Variants in GMDS observed in about 807,000 individuals in gnomAD.
The protein encoded by GMDS is GDP-mannose 4,6-dehydratase.
A neutral mutation model predicts 49.9 loss-of-function variants in GMDS; 20 were observed. The ratio of observed to expected loss-of-function variants is 0.40; its 90% confidence interval spans 0.28 to 0.58. GMDS has a LOEUF of 0.58. GMDS is among the 20% of genes least tolerant of loss of function. The pLI, the probability that GMDS is intolerant of heterozygous loss-of-function variation, is 0.42. For synonymous variants in GMDS, 177 were observed against 178.6 expected (o/e 0.99, Z 0.07); for missense variants, 362 against 481.4 (o/e 0.75, Z 2.32).
At chr6:1,731,964 C>T (rs1331104166) in intron 8 of GMDS, among the ~76,000 whole-genome samples, 1 of 152,174 alleles carries the variant, frequency 6.6e-6, no homozygotes, top group Non-Finnish European at 1.5e-5. Context: ...GATAAGTACA[C>T]AGAAAATCAA....
intron 4 of GMDS, among the ~76,000 whole-genome samples, chr6:2,005,929 G>A (rs918705251): frequency 1.3e-5 from 2 of 152,000 alleles, no homozygotes; most frequent in Admixed American, 6.6e-5. Context: ...CTTGACACTT[G>A]GTGTTCCCAA....
At chr6:2,086,042 C>A (rs142105575) in intron 4 of GMDS, among the ~76,000 whole-genome samples, 118 of 152,244 alleles carry the variant, frequency 7.8e-4, no homozygotes, top group Non-Finnish European at 1.3e-3. Flanking sequence ...GAGTGTGGCA[C>A]AGGTGAGGAA....
intron 1 of GMDS, among the ~76,000 whole-genome samples, chr6:2,223,935 T>C (rs1464482786): frequency 6.6e-6 from 1 of 152,090 alleles, no homozygotes; most frequent in Non-Finnish European, 1.5e-5. Context: ...AGGAATGGTA[T>C]GTTAAGACAC....
At chr6:2,039,268 T>C (rs1769502958) in intron 4 of GMDS, among the ~76,000 whole-genome samples, 1 of 152,158 alleles carries the variant, frequency 6.6e-6, no homozygotes. Flanking sequence ...TGGAAGTTGC[T>C]CTGGGTGAGA....
chr6:2,021,687 C>T (rs574858581), intron 4 of GMDS, among the ~76,000 whole-genome samples: 1 of 152,274 alleles, frequency 6.6e-6, no homozygotes, highest in Non-Finnish European at 1.5e-5. Flanking sequence ...ACAGGTAAAA[C>T]ATAGCAGTTA....
chr6:2,208,222 T>G (rs949321035), intron 1 of GMDS, among the ~76,000 whole-genome samples: 1 of 152,192 alleles, frequency 6.6e-6, no homozygotes, highest in Non-Finnish European at 1.5e-5. Flanking sequence ...GCTTCTACCC[T>G]CAAGTTTACG....
chr6:1,703,470 A>C (rs9391927), intron 9 of GMDS, among the ~76,000 whole-genome samples: 13,776 of 151,962 alleles, frequency 0.091, 1,061 homozygotes, highest in East Asian at 0.39. Flanking sequence ...TGCATTCAAA[A>C]GAAAAAAAAA....
At chr6:1,935,036 A>G (rs973811333) in intron 6 of GMDS, among the ~76,000 whole-genome samples, 2 of 152,252 alleles carry the variant, frequency 1.3e-5, no homozygotes, top group African/African-American at 4.8e-5. Context: ...TTTGTGAATT[A>G]TTATAGCACA....
At chr6:1,944,097 T>C (rs998776304) in intron 6 of GMDS, among the ~76,000 whole-genome samples, 1 of 152,244 alleles carries the variant, frequency 6.6e-6, no homozygotes, top group Non-Finnish European at 1.5e-5. Context: ...ATAATGTTCA[T>C]ACTTCTGTTT....
Position 1,959,971 on chromosome 6 carries a change from C to T in GMDS, c.539G>A (p.Gly180Glu), listed in dbSNP as rs1561924731. The change falls in exon 6 of 11, where the codon GGG becomes GAG. Residue 180 changes from glycine to glutamate, a missense_variant and splice_region_variant. Gly to Glu is a moderately conservative substitution (Grantham distance 98). Transcript: ENST00000380815. ...TTPFYPRSPY[G>E]AAKLYAYWIV... ...CCAATAGGCATAGAGTTTTGCTGCC[C>T]CTGTTGGAATAATTTTTTTTAAGCA... is the stretch of plus-strand genomic sequence containing the variant. The T allele has an allele frequency of 6.3e-7, 1 of 1,578,534 alleles. No homozygotes were observed. Among genetic ancestry groups the T allele is most frequent in the Non-Finnish European group, 8.6e-7 (1 of 1,158,482 alleles).
At chr6:1,652,739 G>C (rs12216259) in intron 9 of GMDS, among the ~76,000 whole-genome samples, 1,320 of 40,258 alleles carry the variant, frequency 0.033, 411 homozygotes, top group Non-Finnish European at 0.043. Flanking sequence ...GAGAGAGAGA[G>C]AGACAGACAG....
intron 9 of GMDS, among the ~76,000 whole-genome samples, chr6:1,714,112 G>T (rs1766082791): frequency 6.6e-6 from 1 of 152,154 alleles, no homozygotes; most frequent in East Asian, 1.9e-4. Flanking sequence ...CCGCCTCCTG[G>T]ATTCACGCCA....
Position 1,969,692 on chromosome 6 carries a change from A to T in GMDS, c.346-8726T>A, listed in dbSNP as rs372818523. ...GTGTTGCCCTTTCCCTCTACTCAGA[A>T]CATTTTCCCCAGGGTTCACTCCTCC... On this transcript the variant is annotated intron_variant, in intron 4 of 10. Coordinates refer to ENST00000380815, the MANE Select transcript of GMDS (RefSeq NM_001500.4). 3.9e-5 allele frequency among the ~76,000 whole-genome samples: 6 copies of T among 152,110 alleles called. No homozygotes were observed. The East Asian group carries it at 9.6e-4, about 24-fold the overall frequency.
chr6:1,874,467 G>A (rs999543932), intron 7 of GMDS, among the ~76,000 whole-genome samples: 4 of 152,150 alleles, frequency 2.6e-5, no homozygotes, highest in African/African-American at 9.7e-5. Context: ...GAGTGGTGGA[G>A]AGAGAGGACA....
At chr6:1,708,676 T>C (rs1765830950) in intron 9 of GMDS, among the ~76,000 whole-genome samples, 1 of 152,272 alleles carries the variant, frequency 6.6e-6, no homozygotes, top group South Asian at 2.1e-4. Context: ...TCATAGTCTA[T>C]TCTAAGAACT....
intron 9 of GMDS, among the ~76,000 whole-genome samples, chr6:1,718,030 A>C (rs73405547): frequency 0.024 from 3,698 of 152,246 alleles, 158 homozygotes; most frequent in African/African-American, 0.086. Flanking sequence ...ACAAGTGCTT[A>C]GTTTGTGTAT....
At chr6:1,837,523 C>G (rs1264075656) in intron 7 of GMDS, among the ~76,000 whole-genome samples, 1 of 152,042 alleles carries the variant, frequency 6.6e-6, no homozygotes, top group Non-Finnish European at 1.5e-5. Flanking sequence ...GGTGTACCCC[C>G]GTCCCGAATC....
At chr6:1,783,113 C>T (rs1254628033) in intron 7 of GMDS, among the ~76,000 whole-genome samples, 2 of 152,072 alleles carry the variant, frequency 1.3e-5, no homozygotes, top group African/African-American at 4.8e-5. Context: ...AGAGATCACG[C>T]CACTGCACTC....
At chr6:1,979,432 A>T (rs1272209449) in intron 4 of GMDS, among the ~76,000 whole-genome samples, 1 of 152,248 alleles carries the variant, frequency 6.6e-6, no homozygotes, top group Non-Finnish European at 1.5e-5. Flanking sequence ...GACCAAGTGG[A>T]GAAAAGAATC....
Sources: gnomAD v4.1 joint callset for allele counts (sites outside exome capture counted in the v4.1 genomes callset) on GRCh38, gnomAD v4.1.1 for gene constraint, MANE v1.5 for transcripts, NCBI Gene and HGNC (gene_info 2026-07-23, HGNC 2026-07-21) for gene names.